The following GPR176 variants were observed in gnomAD, a reference collection of about 807,000 sequenced individuals.
The protein encoded by GPR176 is G protein-coupled receptor 176.
GPR176 carries 26 observed loss-of-function variants against 35.4 expected under a neutral mutation model. The observed-to-expected ratio is 0.74, with a 90% confidence interval of 0.54 to 1.02. The LOEUF is 1.02. Ranked by LOEUF, GPR176 falls within the 50% of genes least tolerant of loss-of-function variation. The probability of loss-of-function intolerance (pLI) is 0.00; values close to 1 mark genes in which losing one functional copy is unlikely to be tolerated. For synonymous variants in GPR176, 278 were observed against 271.3 expected, an observed-to-expected ratio of 1.02 and a Z score of -0.24; for missense variants, 597 against 665.3, an observed-to-expected ratio of 0.90 and a Z score of 1.13.
chr15:39,859,354 T>C (rs1013074629), intron 1 of GPR176, among the ~76,000 whole-genome samples: 1 of 151,982 alleles, frequency 6.6e-6, no homozygotes, highest in Non-Finnish European at 1.5e-5. Context: ...AAAGGACTTG[T>C]GTAGACATTT....
intron 1 of GPR176, among the ~76,000 whole-genome samples, chr15:39,869,593 CTCA>C (rs1051810646): frequency 1.3e-5 from 2 of 152,140 alleles, no homozygotes; most frequent in African/African-American, 4.8e-5. Flanking sequence ...CTCTCTTCTC[CTCA>C]TCTTCATTTC....
At chr15:39,878,100 G>C (rs975122939) in intron 1 of GPR176, among the ~76,000 whole-genome samples, 11 of 136,622 alleles carry the variant, frequency 8.1e-5, no homozygotes, top group African/African-American at 2.9e-4. Flanking sequence ...AGTTACCTGT[G>C]TGTGTGTGTG....
chr15:39,892,082 A>G (rs981588096), intron 1 of GPR176, among the ~76,000 whole-genome samples: 26 of 152,290 alleles, frequency 1.7e-4, no homozygotes, highest in Admixed American at 3.3e-4. Context: ...TATTGAGCAC[A>G]TATGTGTTAG....
At chr15:39,878,584 T>C (rs551616888) in intron 1 of GPR176, among the ~76,000 whole-genome samples, 1 of 152,280 alleles carries the variant, frequency 6.6e-6, no homozygotes, top group South Asian at 2.1e-4. Context: ...GCAATGAACA[T>C]AGGAATGCAG....
intron 1 of GPR176, among the ~76,000 whole-genome samples, chr15:39,823,980 A>C (rs184512436): frequency 6.6e-6 from 1 of 152,300 alleles, no homozygotes; most frequent in East Asian, 1.9e-4. Flanking sequence ...TGTGGCCTCC[A>C]TTGTTAGAAG....
chr15:39,912,292 C>T (rs759991697), intron 1 of GPR176, among the ~76,000 whole-genome samples: 1 of 152,100 alleles, frequency 6.6e-6, no homozygotes, highest in Non-Finnish European at 1.5e-5. Flanking sequence ...AACAATCTTC[C>T]ACCCAGCTAA....
At chr15:39,894,335 C>T (rs1208248619) in intron 1 of GPR176, 10 of 122,292 alleles carry the variant, frequency 8.2e-5, no homozygotes, top group Middle Eastern at 4.1e-3. Flanking sequence ...CCCTCCCGGA[C>T]GGGGCGGCTA....
At chr15:39,804,231 A>G (rs1221770701) in intron 2 of GPR176, among the ~76,000 whole-genome samples, 1 of 152,216 alleles carries the variant, frequency 6.6e-6, no homozygotes, top group African/African-American at 2.4e-5. Context: ...ACCTCTAAAC[A>G]GTGATGCAAG....
At chr15:39,817,692 AAG>A (rs777200376) in intron 1 of GPR176, among the ~76,000 whole-genome samples, 7 of 152,188 alleles carry the variant, frequency 4.6e-5, no homozygotes, top group Non-Finnish European at 7.3e-5. Flanking sequence ...TAGAAAGAGT[AAG>A]AGAGAGAGCA....
chr15:39,908,591 C>T (rs1213027745), intron 1 of GPR176, among the ~76,000 whole-genome samples: 1 of 145,858 alleles, frequency 6.9e-6, no homozygotes, highest in Non-Finnish European at 1.5e-5. Flanking sequence ...AATTGGAAAA[C>T]ACAAGGGGTA....
chr15:39,817,812 G>A (rs1204787990), intron 1 of GPR176, among the ~76,000 whole-genome samples: 1 of 152,228 alleles, frequency 6.6e-6, no homozygotes, highest in East Asian at 1.9e-4. Context: ...GCTCTGTGGA[G>A]CAGGGAGTAT....
At chr15:39,866,721 A>T (rs2031845724) in intron 1 of GPR176, among the ~76,000 whole-genome samples, 1 of 152,234 alleles carries the variant, frequency 6.6e-6, no homozygotes, top group Non-Finnish European at 1.5e-5. Context: ...GCATCACACA[A>T]AACACCTGTG....
At chr15:39,816,482 C>G (rs984894883) in intron 1 of GPR176, among the ~76,000 whole-genome samples, 20 of 152,002 alleles carry the variant, frequency 1.3e-4, no homozygotes, top group Non-Finnish European at 2.8e-4. Flanking sequence ...ACATGACATG[C>G]CTTAATAGAA....
chr15:39,865,441 A>T (rs1224207399), intron 1 of GPR176, among the ~76,000 whole-genome samples: 1 of 152,184 alleles, frequency 6.6e-6, no homozygotes, highest in Non-Finnish European at 1.5e-5. Context: ...AAGTGAAACA[A>T]ATCAGACACA....
At chr15:39,828,866 G>A (rs1900868684) in intron 1 of GPR176, among the ~76,000 whole-genome samples, 1 of 152,182 alleles carries the variant, frequency 6.6e-6, no homozygotes, top group Non-Finnish European at 1.5e-5. Context: ...CCCCGTCACA[G>A]TGTATGTGGA....
chr15:39,811,149 C>T (rs1328591839), intron 1 of GPR176, among the ~76,000 whole-genome samples: 2 of 151,988 alleles, frequency 1.3e-5, no homozygotes, highest in Non-Finnish European at 2.9e-5. Flanking sequence ...CTGACAATCT[C>T]CATCTTTTAA....
intron 1 of GPR176, among the ~76,000 whole-genome samples, chr15:39,856,483 A>C (rs1201720846): frequency 2.0e-5 from 3 of 152,196 alleles, no homozygotes; most frequent in Admixed American, 2.0e-4. Context: ...TCAGGAGACT[A>C]TGGTCAAGCT....
At position 39,801,249 on chromosome 15, in the gene GPR176, G is replaced by A; in HGVS notation, c.1431C>T (p.Pro477=). The change falls in exon 3 of 3, where the codon CCC becomes CCT. Residue 477 remains proline, a synonymous_variant. Transcript: ENST00000561100. ...ETRNSKKRLL[P]PLGNTPEELI... ...GCTCTTCTGGGGTGTTGCCCAAGGG[G>A]GGAAGCAGCCGCTTCTTGCTGTTTC... 6.2e-7 allele frequency: 1 copy of A among 1,614,142 alleles called. No homozygotes were observed. Among genetic ancestry groups the A allele is most frequent in the Non-Finnish European group, 8.5e-7 (1 of 1,179,962 alleles).
intron 1 of GPR176, chr15:39,860,926 A>G (rs1245339742): frequency 2.0e-5 from 3 of 152,206 alleles, no homozygotes; most frequent in African/African-American, 7.2e-5. Flanking sequence ...GGAAAGCCTA[A>G]AAGAATTAGC....
Sources: allele counts gnomAD v4.1 joint callset (sites outside exome capture counted in the v4.1 genomes callset), GRCh38; gene constraint gnomAD v4.1.1; transcripts MANE v1.5; gene names NCBI Gene and HGNC (gene_info 2026-07-23, HGNC 2026-07-21).